Variants in SART3 observed in about 807,000 individuals in gnomAD.
SART3 encodes the protein HIV-1 Tat-interacting protein of 110kDa.
In SART3, 44 loss-of-function variants were observed where a neutral mutation model predicts 122.3. That is an observed-to-expected ratio of 0.36 (90% confidence interval 0.28 to 0.46). The LOEUF (loss-of-function observed/expected upper bound fraction) is 0.46. Among genes scored for constraint, SART3 ranks in the 20% least tolerant of loss-of-function variants. The pLI is 1.00. For synonymous variants in SART3, 442 were observed against 454.0 expected, an observed-to-expected ratio of 0.97 and a Z score of 0.34; for missense variants, 1,101 against 1,229.0, an observed-to-expected ratio of 0.90 and a Z score of 1.56.
intron 15 of SART3, among the ~76,000 whole-genome samples, chr12:108,528,258 G>A (rs1872486989): frequency 6.6e-6 from 1 of 151,932 alleles, no homozygotes; most frequent in South Asian, 2.1e-4. Flanking sequence ...CAAGGCGGGA[G>A]GATCACTTGA....
intron 6 of SART3, 50 bp from the exon 7 acceptor site, chr12:108,539,139 A>G: frequency 6.2e-7 from 1 of 1,605,738 alleles, no homozygotes; most frequent in Non-Finnish European, 8.5e-7. Flanking sequence ...AGGAAGCACA[A>G]CACATCTGCA....
In SART3 at chr12:108,561,125, T is replaced by G; in HGVS notation, c.30A>C (p.Ser10=). Residue 10 remains serine (S), a synonymous_variant, in exon 1 of 19, where the codon TCA becomes TCC. Transcript: ENST00000546815. MATAAETSA[S]EPEAESKAGP... ...CAGCCTTGGACTCAGCCTCGGGTTCTGAAGCCGAGGTTTCGGCCGCAGTCG... is the reference window on the plus strand; with the variant it reads ...CAGCCTTGGACTCAGCCTCGGGTTCGGAAGCCGAGGTTTCGGCCGCAGTCG... The G allele has an allele frequency of 6.2e-7, 1 of 1,613,566 alleles. No homozygotes were observed. Among genetic ancestry groups the G allele is most frequent in the East Asian group, 2.2e-5 (1 of 44,864 alleles).
intron 7 of SART3, 91 bp downstream of exon 7, chr12:108,538,843 G>A: frequency 1.4e-6 from 2 of 1,472,618 alleles, no homozygotes. Flanking sequence ...GCAAGAGTAG[G>A]GCCGTATGCA....
At chr12:108,535,194 C>CGAG in intron 12 of SART3, among the ~76,000 whole-genome samples, 165 bp downstream of exon 12, 1 of 152,250 alleles carries the variant, frequency 6.6e-6, no homozygotes, top group African/African-American at 2.4e-5. Context: ...ATGTCTGGTT[C>CGAG]TCTAGCCCTG....
At chr12:108,559,039 GAAA>G (rs747479698) in intron 1 of SART3, among the ~76,000 whole-genome samples, 19 of 103,930 alleles carry the variant, frequency 1.8e-4, no homozygotes, top group African/African-American at 4.2e-4. Context: ...TCTCAAAAAA[GAAA>G]AAAAAAAAAA....
chr12:108,531,097 G>A, intron 14 of SART3, 107 bp downstream of exon 14: 5 of 817,632 alleles, frequency 6.1e-6, no homozygotes, highest in South Asian at 5.7e-5. Context: ...TTAATACTGA[G>A]TAAAAGACAC....
At chr12:108,556,917 C>T (rs971284447) in intron 1 of SART3, among the ~76,000 whole-genome samples, 1 of 152,214 alleles carries the variant, frequency 6.6e-6, no homozygotes, top group African/African-American at 2.4e-5. Flanking sequence ...AATATCTATG[C>T]ATGCAAGTGC....
intron 4 of SART3, 107 bp downstream of exon 4, chr12:108,545,032 C>G: frequency 3.5e-6 from 4 of 1,157,792 alleles, no homozygotes; most frequent in Non-Finnish European, 5.2e-6. Flanking sequence ...ATTTTGTTAA[C>G]TATATGAACT....
chr12:108,556,835 A>G (rs1369247048), intron 1 of SART3, among the ~76,000 whole-genome samples: 1 of 152,262 alleles, frequency 6.6e-6, no homozygotes, highest in Non-Finnish European at 1.5e-5. Context: ...CCACATCACC[A>G]GTCTGAACTC....
chr12:108,548,794 A>G (rs1389721559), intron 2 of SART3, among the ~76,000 whole-genome samples: 1 of 152,266 alleles, frequency 6.6e-6, no homozygotes, highest in East Asian at 1.9e-4. Context: ...GTTTAAATAC[A>G]TAAATAGTGA....
At chr12:108,552,994 T>C (rs536352366) in intron 1 of SART3, among the ~76,000 whole-genome samples, 4 of 152,044 alleles carry the variant, frequency 2.6e-5, no homozygotes, top group South Asian at 4.1e-4. Context: ...GAAAGATACA[T>C]AGATGAAGAG....
chr12:108,525,245 G>GTCTT (rs1593231149), intron 17 of SART3, among the ~76,000 whole-genome samples: 2 of 152,238 alleles, frequency 1.3e-5, no homozygotes, highest in East Asian at 3.8e-4. Flanking sequence ...ATTTCCAAGT[G>GTCTT]TCTTATTCTT....
rs1437104632 is a variant in SART3, at chr12:108,549,097, A to C, written c.430T>G (p.Leu144Val). 6.2e-7 allele frequency: 1 copy of C among 1,614,130 alleles called. No individual in the cohort carries two copies. The highest frequency in any genetic ancestry group is 2.2e-5 in the East Asian group (1 of 44,886). ...ARQKMSEIFP[L>V]TEELWLEWLH... ...GACTGCTGAAGCTTACCTTCAGTCA[A>C]GGGAAAGATTTCACTCATCTTCTGG... Residue 144 changes from leucine to valine, a missense_variant, in exon 2 of 19, where the codon TTG (leucine) becomes GTG (valine). This residue lies in a region of SART3 where 885 missense variants were observed against 1,080.1 expected (regional missense o/e 0.82). Transcript: ENST00000546815.
intron 14 of SART3, 115 bp from the exon 15 acceptor site, chr12:108,530,425 A>G: frequency 8.0e-7 from 1 of 1,246,900 alleles, no homozygotes; most frequent in Non-Finnish European, 1.1e-6. Context: ...AGCAGAGATC[A>G]GGAGAAAAAC....
chr12:108,529,873 T>C (rs1872574597), intron 15 of SART3, among the ~76,000 whole-genome samples: 1 of 151,626 alleles, frequency 6.6e-6, no homozygotes, highest in East Asian at 1.9e-4. Context: ...CTAAACACAA[T>C]AGTGCATCCT....
intron 1 of SART3, among the ~76,000 whole-genome samples, chr12:108,555,694 C>T (rs975059321): frequency 2.6e-5 from 4 of 152,016 alleles, no homozygotes; most frequent in Non-Finnish European, 4.4e-5. Flanking sequence ...AATACCTAGA[C>T]GAATGGAGTT....
chr12:108,523,850 AGCACCAGTC>A (rs1872245525), intron 18 of SART3: 3 of 616,266 alleles, frequency 4.9e-6, no homozygotes, highest in Non-Finnish European at 8.6e-6. Context: ...ATCAACCCTG[AGCACCAGTC>A]ACACTCAGAG....
chr12:108,526,573 A>G lies in SART3; in HGVS notation c.1916-20T>C. ...GCTGCTCTACAGGTTTTCAAAAGAA[A>G]AGTAGCCATGGTTAACTGTTACTTC... On this transcript the variant is annotated intron_variant, in intron 15 of 18. Coordinates refer to ENST00000546815, the MANE Select transcript of SART3 (RefSeq NM_014706.4). The G allele has an allele frequency of 6.2e-7, 1 of 1,611,998 alleles. No individual in the cohort carries two copies.
intron 13 of SART3, 77 bp downstream of exon 13, chr12:108,532,145 T>G: frequency 8.0e-7 from 1 of 1,253,050 alleles, no homozygotes; most frequent in Admixed American, 1.7e-5. Flanking sequence ...GTCCCCAGAC[T>G]GTAACCAGAT....
Sources: gnomAD v4.1 joint callset for allele counts (sites outside exome capture counted in the v4.1 genomes callset) on GRCh38, gnomAD v4.1.1 for gene constraint, gnomAD v4.1.1 regional missense constraint, MANE v1.5 for transcripts, NCBI Gene and HGNC (gene_info 2026-07-23, HGNC 2026-07-21) for gene names.